SH3KBP1: variants seen among roughly 807,000 people sequenced by gnomAD.
The protein encoded by SH3KBP1 is SH3 domain-containing kinase-binding protein 1.
Under a neutral mutation model 50.1 loss-of-function variants are expected in SH3KBP1, and 8 were observed. The observed-to-expected ratio is 0.16, with a 90% CI of 0.09 to 0.29. The LOEUF (loss-of-function observed/expected upper bound fraction) is 0.29. Ranked by LOEUF, SH3KBP1 falls within the 10% of genes least tolerant of loss-of-function variation. SH3KBP1 has a pLI of 1.00. For missense variants in SH3KBP1, 377 were observed against 535.2 expected, an observed-to-expected ratio of 0.70 and a Z score of 2.92; for synonymous variants, 227 against 218.6, an observed-to-expected ratio of 1.04 and a Z score of -0.34.
chrX:19,690,265 C>T (rs1361373247), intron 5 of SH3KBP1, among the ~76,000 whole-genome samples: 1 of 110,256 alleles, frequency 9.1e-6, no homozygotes, highest in Non-Finnish European at 1.9e-5. Context: ...ACCATGTTGC[C>T]TAGGCCGGTC....
At chrX:19,585,883 C>A (rs1007231612) in intron 12 of SH3KBP1, among the ~76,000 whole-genome samples, 1 of 111,707 alleles carries the variant, frequency 9.0e-6, no homozygotes, top group African/African-American at 3.3e-5. Flanking sequence ...TCCCTTAAAC[C>A]GGCTAAGCAG....
intron 5 of SH3KBP1, among the ~76,000 whole-genome samples, chrX:19,692,864 T>A (rs939434891): frequency 9.3e-6 from 1 of 107,559 alleles, no homozygotes; most frequent in Non-Finnish European, 1.9e-5. Context: ...TGTTTTTTTG[T>A]TTTTAGTAGA....
intron 1 of SH3KBP1, among the ~76,000 whole-genome samples, chrX:19,852,814 G>A (rs1012109038): frequency 1.8e-5 from 2 of 111,042 alleles, no homozygotes; most frequent in Non-Finnish European, 3.8e-5. Context: ...CGGTCTGCGG[G>A]GACAGGGTCA....
intron 2 of SH3KBP1, among the ~76,000 whole-genome samples, chrX:19,770,676 C>A (rs1486739563): frequency 1.8e-5 from 2 of 110,262 alleles, no homozygotes; most frequent in African/African-American, 6.6e-5. Flanking sequence ...ATAAGTGTTC[C>A]CTTTTCTCTG....
At chrX:19,605,404 C>T (rs926115761) in intron 9 of SH3KBP1, among the ~76,000 whole-genome samples, 3 of 111,638 alleles carry the variant, frequency 2.7e-5, no homozygotes, top group Non-Finnish European at 5.6e-5. Flanking sequence ...AAACATACTG[C>T]CTCAATCAGA....
At chrX:19,595,358 A>G (rs2066870664) in intron 9 of SH3KBP1, among the ~76,000 whole-genome samples, 1 of 112,722 alleles carries the variant, frequency 8.9e-6, no homozygotes, top group East Asian at 2.8e-4. Flanking sequence ...TCTGCTGAAT[A>G]ACCATGCATT....
chrX:19,556,358 G>A (rs1485296928), intron 13 of SH3KBP1, among the ~76,000 whole-genome samples: 1 of 108,164 alleles, frequency 9.2e-6, no homozygotes, highest in Admixed American at 1.0e-4. Context: ...TACTTTCTCC[G>A]CATTGCAGAA....
At chrX:19,782,522 G>A (rs906338608) in intron 2 of SH3KBP1, among the ~76,000 whole-genome samples, 22 of 111,879 alleles carry the variant, frequency 2.0e-4, no homozygotes, top group Non-Finnish European at 3.2e-4. Flanking sequence ...CCATGGTGGC[G>A]TGAGCAGAGG....
intron 3 of SH3KBP1, among the ~76,000 whole-genome samples, chrX:19,707,403 T>C (rs2063673650): frequency 8.9e-6 from 1 of 112,197 alleles, no homozygotes; most frequent in Non-Finnish European, 1.9e-5. Context: ...GGGATTTTTC[T>C]AAATGTGCAA....
At chrX:19,650,110 G>A (rs936940810) in intron 6 of SH3KBP1, among the ~76,000 whole-genome samples, 7 of 111,789 alleles carry the variant, frequency 6.3e-5, no homozygotes, top group Non-Finnish European at 1.1e-4. Context: ...GAGAGAGAGA[G>A]CTCCTTGCAT....
At chrX:19,728,179 A>AT (rs1172857710) in intron 3 of SH3KBP1, among the ~76,000 whole-genome samples, 69 of 110,207 alleles carry the variant, frequency 6.3e-4, no homozygotes, top group African/African-American at 1.9e-3. Flanking sequence ...TGGATTTCAG[A>AT]TTTTTTTTTC....
intron 14 of SH3KBP1, among the ~76,000 whole-genome samples, chrX:19,549,006 G>T (rs2065165401): frequency 8.9e-6 from 1 of 111,831 alleles, no homozygotes; most frequent in South Asian, 3.7e-4. Flanking sequence ...TTCTGCAGTG[G>T]CATTCATTTG....
chrX:19,681,120 T>C (rs1454194946), intron 6 of SH3KBP1, among the ~76,000 whole-genome samples: 1 of 111,848 alleles, frequency 8.9e-6, no homozygotes, highest in Non-Finnish European at 1.9e-5. Context: ...AAATCCAAAA[T>C]GCTCCGATGA....
intron 13 of SH3KBP1, among the ~76,000 whole-genome samples, chrX:19,556,314 A>G (rs2065487274): frequency 9.1e-6 from 1 of 109,307 alleles, no homozygotes; most frequent in Admixed American, 9.8e-5. Flanking sequence ...CCAAGGTCTA[A>G]GATGAGAAAA....
intron 6 of SH3KBP1, 52 bp downstream of exon 6, chrX:19,683,771 C>T: frequency 8.9e-7 from 1 of 1,125,544 alleles, no homozygotes; most frequent in Non-Finnish European, 1.2e-6. Context: ...CCACAACGTA[C>T]TTTTGGATAT....
intron 1 of SH3KBP1, among the ~76,000 whole-genome samples, chrX:19,864,351 A>G (rs2068851653): frequency 9.0e-6 from 1 of 111,438 alleles, no homozygotes; most frequent in Non-Finnish European, 1.9e-5. Flanking sequence ...CCACATCCCA[A>G]TCCCAAGCAA....
At chrX:19,757,145 CTTTT>C (rs34733630) in intron 2 of SH3KBP1, among the ~76,000 whole-genome samples, 2 of 74,714 alleles carry the variant, frequency 2.7e-5, no homozygotes, top group Non-Finnish European at 5.1e-5. Context: ...TTATTGACTG[CTTTT>C]TTTTTTTTTT....
intron 1 of SH3KBP1, among the ~76,000 whole-genome samples, chrX:19,858,331 T>C (rs761461752): frequency 1.8e-4 from 20 of 109,867 alleles, no homozygotes; most frequent in African/African-American, 6.0e-4. Flanking sequence ...ACAAAAAAAA[T>C]AAAATCTCAC....
intron 6 of SH3KBP1, among the ~76,000 whole-genome samples, chrX:19,672,831 C>T (rs780219784): frequency 6.4e-5 from 7 of 110,194 alleles, no homozygotes; most frequent in African/African-American, 1.7e-4. Context: ...CCAAGGTGTG[C>T]GGATTACTTG....
Sources: allele counts gnomAD v4.1 joint callset (sites outside exome capture counted in the v4.1 genomes callset), GRCh38; gene constraint gnomAD v4.1.1; transcripts MANE v1.5; gene names NCBI Gene and HGNC (gene_info 2026-07-23, HGNC 2026-07-21).